AXIN2: variants seen among roughly 807,000 people sequenced by gnomAD.
The protein encoded by AXIN2 is axin 2.
A neutral mutation model predicts 74.7 loss-of-function variants in AXIN2; 21 were observed. The ratio of observed to expected loss-of-function variants is 0.28; its 90% CI spans 0.20 to 0.40. AXIN2 has a LOEUF of 0.40. Ranked by LOEUF, AXIN2 falls within the 10% of genes least tolerant of loss-of-function variation. AXIN2 has a pLI of 1.00. For synonymous variants in AXIN2, 532 were observed against 454.9 expected, an observed-to-expected ratio of 1.17 and a Z score of -2.16; for missense variants, 1,144 against 1,111.1, an observed-to-expected ratio of 1.03 and a Z score of -0.42.
chr17:65,536,601 TAGA>T, intron 7 of AXIN2, 48 bp from the exon 8 acceptor site: 2 of 1,599,090 alleles, frequency 1.3e-6, no homozygotes, highest in Non-Finnish European at 1.7e-6. Context: ...GAAACTGGGT[TAGA>T]AGAACTGGAA....
chr17:65,553,243 G>A (rs905006972), intron 2 of AXIN2, among the ~76,000 whole-genome samples: 1 of 152,220 alleles, frequency 6.6e-6, no homozygotes, highest in South Asian at 2.1e-4. Context: ...GCACGTGGCA[G>A]TGACTGAAAA....
chr17:65,537,938 G>A (rs1598099996), intron 5 of AXIN2, 103 bp from the exon 6 acceptor site: 5 of 1,445,748 alleles, frequency 3.5e-6, no homozygotes, highest in East Asian at 5.0e-5. Flanking sequence ...ACGCACACCC[G>A]TGTGCACGCC....
chr17:65,536,320 C>G lies in AXIN2; in HGVS notation c.2141G>C (p.Arg714Pro). 1 of 1,608,116 alleles carries G rather than the reference C, an allele frequency of 6.2e-7. No individual in the cohort carries two copies. The change falls in exon 8 of 11, where the codon CGG becomes CCG. Residue 714 changes from arginine to proline, a missense_variant and splice_region_variant. Transcript: ENST00000307078. Reference protein sequence around the residue: ...LAEVSKPPKQRCCVASQQRDR... With the variant: ...LAEVSKPPKQPCCVASQQRDR... ...CCTAGGACCCTTCACTTCCACTCAC[C>G]GCTGCTTTGGGGGCTTCGACACCTC...
In AXIN2 at chr17:65,537,552, CCCGGCGAGGCGG is replaced by C; in HGVS notation, c.1472_1483del (p.Ala491_Pro494del). 1 of 1,612,468 alleles carries C rather than the reference CCCGGCGAGGCGG, an allele frequency of 6.2e-7. No homozygotes were observed. Among genetic ancestry groups the C allele is most frequent in the Non-Finnish European group, 8.5e-7 (1 of 1,179,622 alleles). ...TTTGCCCCCGAGGAGGGGGCAGGCG[CCCGGCGAGGCGG>C]CCGCGGGAGGCAGCTTGCCACCGGG... On this transcript the variant is annotated inframe_deletion, in exon 6 of 11. Coordinates refer to ENST00000307078, the MANE Select transcript of AXIN2 (RefSeq NM_004655.4).
chr17:65,537,937 C>A (rs577136523), intron 5 of AXIN2, 102 bp from the exon 6 acceptor site: 750 of 1,433,032 alleles, frequency 5.2e-4, no homozygotes, highest in Non-Finnish European at 6.5e-4. Flanking sequence ...CACGCACACC[C>A]GTGTGCACGC....
chr17:65,559,263 C>T (rs2044325043), intron 1 of AXIN2, among the ~76,000 whole-genome samples: 1 of 151,848 alleles, frequency 6.6e-6, no homozygotes, highest in Non-Finnish European at 1.5e-5. Context: ...CATCTGGTTC[C>T]CATTCTCCCC....
At chr17:65,538,943 G>A (rs1367662728) in intron 4 of AXIN2, among the ~76,000 whole-genome samples, 1 of 151,940 alleles carries the variant, frequency 6.6e-6, no homozygotes, top group Non-Finnish European at 1.5e-5. Flanking sequence ...GATCTCCCTC[G>A]TTTTTCTCCT....
chr17:65,538,667 CAAAAAAAAAAAAAAAAAAAAAAAAAAA>C (rs775428814), intron 4 of AXIN2, among the ~76,000 whole-genome samples: 1 of 35,810 alleles, frequency 2.8e-5, no homozygotes, highest in African/African-American at 1.1e-4. Flanking sequence ...TGTCAACCAT[CAAAAAAAAAAAAAAAAAAAAAAAAAAA>C]AAAAAAAAAA....
chr17:65,541,981 G>C (rs1270701926), intron 3 of AXIN2, among the ~76,000 whole-genome samples: 1 of 152,216 alleles, frequency 6.6e-6, no homozygotes, highest in East Asian at 1.9e-4. Flanking sequence ...GTGCCTTATG[G>C]ATAGGGCCAG....
chr17:65,533,761 A>G, intron 10 of AXIN2, 151 bp downstream of exon 10: 1 of 901,092 alleles, frequency 1.1e-6, no homozygotes, highest in South Asian at 1.5e-5. Context: ...AGGGGAGAGA[A>G]GAAATGAGAA....
intron 2 of AXIN2, among the ~76,000 whole-genome samples, chr17:65,550,334 T>C (rs1598111190): frequency 6.6e-6 from 1 of 152,164 alleles, no homozygotes; most frequent in Non-Finnish European, 1.5e-5. Context: ...GACTGGCTAG[T>C]GCAGCAGGAT....
intron 1 of AXIN2, chr17:65,561,000 C>G (rs1419522646): frequency 6.7e-6 from 1 of 148,880 alleles, no homozygotes; most frequent in African/African-American, 2.4e-5. Flanking sequence ...ACAACAATCC[C>G]GGGTTCAGAG....
At chr17:65,552,563 A>AGTGCTCG (rs2044208817) in intron 2 of AXIN2, among the ~76,000 whole-genome samples, 1 of 151,986 alleles carries the variant, frequency 6.6e-6, no homozygotes, top group African/African-American at 2.4e-5. Context: ...TGCAGTGCTC[A>AGTGCTCG]CTGCTGGGCT....
chr17:65,553,119 T>C (rs992812925), intron 2 of AXIN2, among the ~76,000 whole-genome samples: 1 of 152,234 alleles, frequency 6.6e-6, no homozygotes, highest in African/African-American at 2.4e-5. Context: ...TGATCTATAA[T>C]GACTGGACAC....
chr17:65,559,758 A>T (rs1328667738), intron 1 of AXIN2, among the ~76,000 whole-genome samples: 1 of 152,236 alleles, frequency 6.6e-6, no homozygotes. Flanking sequence ...CACGGAAAAG[A>T]TCAAACTAAG....
chr17:65,540,156 T>A (rs998377990), intron 4 of AXIN2, among the ~76,000 whole-genome samples: 1 of 152,186 alleles, frequency 6.6e-6, no homozygotes, highest in Non-Finnish European at 1.5e-5. Context: ...AATGAATACA[T>A]AAATAAATGA....
chr17:65,536,834 C>T (rs771701692), intron 7 of AXIN2, 35 bp downstream of exon 7: 4 of 1,611,856 alleles, frequency 2.5e-6, no homozygotes, highest in South Asian at 1.1e-5. Flanking sequence ...GTGCCCATGA[C>T]CCTCGCGGCC....
At chr17:65,555,146 G>A (rs909835722) in intron 2 of AXIN2, among the ~76,000 whole-genome samples, 2 of 152,152 alleles carry the variant, frequency 1.3e-5, no homozygotes, top group African/African-American at 4.8e-5. Context: ...GCTCCTTTGA[G>A]TGCCCGAGGT....
rs893162862 is a variant in AXIN2 at position 65,529,700 on chromosome 17, T to C, written c.*276A>G. On this transcript the variant is annotated 3_prime_UTR_variant, in exon 11 of 11. Coordinates refer to ENST00000307078, the MANE Select transcript of AXIN2 (RefSeq NM_004655.4). ...GGAAGTCATATATTATGTATGGCAGTCTCTCAAATACAGGCAGCATCTTCA... is the reference window on the plus strand; with the variant it reads ...GGAAGTCATATATTATGTATGGCAGCCTCTCAAATACAGGCAGCATCTTCA... 2.0e-6 allele frequency: 1 copy of C among 493,956 alleles called. No homozygotes were observed. Among genetic ancestry groups the C allele is most frequent in the South Asian group, 2.1e-5 (1 of 48,136 alleles). 30.6% of individuals were successfully genotyped at this position (493,956 alleles called of 1,614,324 possible).
Sources: allele counts gnomAD v4.1 joint callset (sites outside exome capture counted in the v4.1 genomes callset), GRCh38; gene constraint gnomAD v4.1.1; transcripts MANE v1.5; gene names NCBI Gene and HGNC (gene_info 2026-07-23, HGNC 2026-07-21).